GPR137C: variants seen among roughly 807,000 people sequenced by gnomAD.
GPR137C encodes G protein-coupled receptor 137C.
In GPR137C, 27 loss-of-function variants were observed where a neutral mutation model predicts 43.4. The observed-to-expected ratio is 0.62, with a 90% CI of 0.46 to 0.86. The LOEUF (loss-of-function observed/expected upper bound fraction) is 0.86. GPR137C is among the 40% of genes least tolerant of loss of function. The probability of loss-of-function intolerance (pLI) is 0.00; values close to 1 mark genes in which losing one functional copy is unlikely to be tolerated. For synonymous variants in GPR137C, 285 were observed against 226.9 expected (o/e 1.26, Z -2.30); for missense variants, 522 against 534.6 (o/e 0.98, Z 0.23).
intron 1 of GPR137C, among the ~76,000 whole-genome samples, chr14:52,581,370 TA>T (rs142405317): frequency 0.27 from 34,016 of 127,308 alleles, 4,571 homozygotes; most frequent in East Asian, 0.54. Context: ...CCTTCTCTAC[TA>T]AAAAAAAAAA....
chr14:52,636,957 A>G lies in GPR137C; in HGVS notation c.*1842A>G, dbSNP rs1447514352. The G allele has an allele frequency of 6.6e-6, 1 of 152,164 alleles. No homozygotes were observed. Among genetic ancestry groups the G allele is most frequent in the Non-Finnish European group, 1.5e-5 (1 of 68,002 alleles). The allele number at this position is 152,164 out of a possible 1,614,324, so 9.4% of individuals were successfully genotyped here. On this transcript the variant is annotated 3_prime_UTR_variant, in exon 7 of 7. Transcript: ENST00000321662. The stretch of plus-strand genomic sequence containing the variant: ...GCATCTAATCATCTAGAGCTGTCCA[A>G]AAAGATATGTTGTCTTTGTTAATCC...
At chr14:52,601,117 G>A (rs2038918666) in intron 3 of GPR137C, among the ~76,000 whole-genome samples, 1 of 152,148 alleles carries the variant, frequency 6.6e-6, no homozygotes, top group Admixed American at 6.5e-5. Context: ...ATGTGATTGA[G>A]TAGAAAATTG....
chr14:52,574,554 G>A (rs1021539207), intron 1 of GPR137C, among the ~76,000 whole-genome samples: 1 of 152,066 alleles, frequency 6.6e-6, no homozygotes, highest in Non-Finnish European at 1.5e-5. Flanking sequence ...CACACACCGG[G>A]GCCTGTCGGT....
At chr14:52,578,010 A>G (rs984391645) in intron 1 of GPR137C, among the ~76,000 whole-genome samples, 4 of 152,104 alleles carry the variant, frequency 2.6e-5, no homozygotes, top group Non-Finnish European at 5.9e-5. Context: ...CCACAGAAAT[A>G]CAAAGTTTAT....
chr14:52,635,249 G>A lies in GPR137C; in HGVS notation c.*134G>A, dbSNP rs200643056. The stretch of plus-strand genomic sequence containing the variant: ...AAATCTGGAAGTGTGGCTGTGTTTG[G>A]TAAATAACACAGCTATTATTTTTGA... On this transcript the variant is annotated 3_prime_UTR_variant, in exon 7 of 7. Transcript: ENST00000321662. 1 of 649,272 alleles carries A rather than the reference G, an allele frequency of 1.5e-6. No homozygotes were observed. Among genetic ancestry groups the A allele is most frequent in the African/African-American group, 1.9e-5 (1 of 52,786 alleles). 40.2% of individuals were successfully genotyped at this position (649,272 alleles called of 1,614,324 possible). A position where few individuals can be genotyped will look rare whatever the true frequency, so the allele number is the denominator to read the frequency against.
In GPR137C at chr14:52,558,956, G is replaced by A. The variant is rs1197985826; in HGVS notation, c.444+5365G>A. Among the ~76,000 whole-genome samples the A allele has an allele frequency of 2.6e-5, 4 of 152,220 alleles. No individual in the cohort carries two copies. The East Asian group carries it at 7.7e-4, about 29-fold the overall frequency. On this transcript the variant is annotated intron_variant, in intron 1 of 6. Transcript: ENST00000321662. ...GAGCAGGTCCAACATATGTGTAATT[G>A]GAATTATAGAGAAATTATTCAAAGG...
chr14:52,598,578 C>T (rs1240065854), intron 2 of GPR137C, among the ~76,000 whole-genome samples: 1 of 151,984 alleles, frequency 6.6e-6, no homozygotes, highest in Admixed American at 6.6e-5. Flanking sequence ...CTGCTCTGTC[C>T]CTGCTTCAAA....
chr14:52,573,984 G>A (rs978383608), intron 1 of GPR137C, among the ~76,000 whole-genome samples: 1 of 152,116 alleles, frequency 6.6e-6, no homozygotes, highest in African/African-American at 2.4e-5. Context: ...ATCATCACTG[G>A]TCATTAGAGA....
At chr14:52,569,274 C>G (rs970285206) in intron 1 of GPR137C, among the ~76,000 whole-genome samples, 1 of 152,052 alleles carries the variant, frequency 6.6e-6, no homozygotes, top group African/African-American at 2.4e-5. Flanking sequence ...CATGCAAAAA[C>G]CCCATCTGAA....
At chr14:52,579,485 A>T (rs996702646) in intron 1 of GPR137C, among the ~76,000 whole-genome samples, 7 of 152,168 alleles carry the variant, frequency 4.6e-5, no homozygotes, top group Admixed American at 3.3e-4. Context: ...GAAGATTCTG[A>T]AATCACGTTG....
At chr14:52,614,374 G>A (rs1403839640) in intron 3 of GPR137C, among the ~76,000 whole-genome samples, 1 of 152,040 alleles carries the variant, frequency 6.6e-6, no homozygotes, top group Non-Finnish European at 1.5e-5. Context: ...GCCCACCTCG[G>A]CCTTCCAAAT....
At chr14:52,601,135 C>T (rs2038918810) in intron 3 of GPR137C, among the ~76,000 whole-genome samples, 1 of 152,070 alleles carries the variant, frequency 6.6e-6, no homozygotes, top group African/African-American at 2.4e-5. Flanking sequence ...TTGATCATCA[C>T]AGTTTATGTG....
rs187723357 is a variant in GPR137C at position 52,622,473 on chromosome 14, A to G, written c.718-9687A>G. On this transcript the variant is annotated intron_variant, in intron 3 of 6. Coordinates refer to ENST00000321662, the MANE Select transcript of GPR137C (RefSeq NM_001099652.2). ...TTTAAGAAGCTGTTAATCTTACAGTACAAGTATGTACAAGTTTCTAAAAAT... is the reference window on the plus strand; with the variant it reads ...TTTAAGAAGCTGTTAATCTTACAGTGCAAGTATGTACAAGTTTCTAAAAAT... Among the ~76,000 whole-genome samples, 19 of 152,244 alleles carry G rather than the reference A, an allele frequency of 1.2e-4. No homozygotes were observed. In the East Asian group the frequency reaches 3.3e-3, roughly 26 times the overall value.
Position 52,628,706 on chromosome 14 carries a change from G to T in GPR137C, c.718-3454G>T, listed in dbSNP as rs1594809788. ...AGCTACTCGGGAGGCTGAGGCAGGA[G>T]AATCACTTGAACCCGGTAGACAGAG... On this transcript the variant is annotated intron_variant, in intron 3 of 6. Coordinates refer to ENST00000321662, the MANE Select transcript of GPR137C (RefSeq NM_001099652.2). 2.0e-5 allele frequency among the ~76,000 whole-genome samples: 3 copies of T among 152,284 alleles called. No individual in the cohort carries two copies. In the East Asian group the frequency reaches 5.8e-4, roughly 29 times the overall value.
intron 3 of GPR137C, among the ~76,000 whole-genome samples, chr14:52,629,584 A>G (rs895952945): frequency 2.0e-5 from 3 of 152,194 alleles, no homozygotes; most frequent in African/African-American, 7.2e-5. Flanking sequence ...TGAATGAAAC[A>G]TACAAGAGTT....
intron 3 of GPR137C, among the ~76,000 whole-genome samples, chr14:52,625,367 TTCTACTCGGGA>T (rs2039210616): frequency 6.6e-6 from 1 of 150,628 alleles, no homozygotes. Context: ...CTGTACTCGC[TTCTACTCGGGA>T]GACTGAGGCA....
At chr14:52,558,629 T>C (rs1454428548) in intron 1 of GPR137C, among the ~76,000 whole-genome samples, 2 of 152,098 alleles carry the variant, frequency 1.3e-5, no homozygotes, top group Non-Finnish European at 2.9e-5. Context: ...CCAAAAAACA[T>C]GGGTTCAGAA....
At chr14:52,630,837 G>A (rs1014043656) in intron 3 of GPR137C, among the ~76,000 whole-genome samples, 13 of 152,060 alleles carry the variant, frequency 8.5e-5, no homozygotes, top group Admixed American at 7.2e-4. Context: ...ACATAAAGAG[G>A]AAATAAAAGG....
chr14:52,624,888 G>A (rs1230471684), intron 3 of GPR137C, among the ~76,000 whole-genome samples: 1 of 152,112 alleles, frequency 6.6e-6, no homozygotes, highest in Non-Finnish European at 1.5e-5. Context: ...GAATGAAAGA[G>A]GGACTATCAC....
Sources: gnomAD v4.1 joint callset for allele counts (sites outside exome capture counted in the v4.1 genomes callset) on GRCh38, gnomAD v4.1.1 for gene constraint, MANE v1.5 for transcripts, NCBI Gene and HGNC (gene_info 2026-07-23, HGNC 2026-07-21) for gene names.